Variants in DCDC2 observed in about 807,000 individuals in gnomAD.
DCDC2 encodes doublecortin domain-containing protein 2.
Under a neutral mutation model 50.2 loss-of-function variants are expected in DCDC2, and 40 were observed. The ratio of observed to expected loss-of-function variants is 0.80; its 90% confidence interval spans 0.62 to 1.04. The LOEUF (loss-of-function observed/expected upper bound fraction) is 1.04. DCDC2 is among the 50% of genes least tolerant of loss of function. DCDC2 has a pLI of 0.00. For missense variants in DCDC2, 570 were observed against 581.9 expected, an observed-to-expected ratio of 0.98 and a Z score of 0.21; for synonymous variants, 234 against 210.6, an observed-to-expected ratio of 1.11 and a Z score of -0.96.
At chr6:24,225,933 T>C (rs1762224941) in intron 7 of DCDC2, among the ~76,000 whole-genome samples, 2 of 152,230 alleles carry the variant, frequency 1.3e-5, no homozygotes, top group Admixed American at 6.5e-5. Flanking sequence ...TATTCACTAC[T>C]ACACACCATT....
At chr6:24,376,005 A>G in the DCDC2 span, among the ~76,000 whole-genome samples, 1 of 152,070 alleles carries the variant, frequency 6.6e-6, no homozygotes, top group African/African-American at 2.4e-5. Context: ...ATGTATTTTT[A>G]TGAGAAACTA....
At chr6:24,204,693 C>T (rs1331951862) in intron 8 of DCDC2, among the ~76,000 whole-genome samples, 1 of 152,122 alleles carries the variant, frequency 6.6e-6, no homozygotes, top group Non-Finnish European at 1.5e-5. Context: ...CAAACCAATA[C>T]TCTTTTTTAT....
chr6:24,375,424 C>G, the DCDC2 span, among the ~76,000 whole-genome samples: 4 of 152,206 alleles, frequency 2.6e-5, no homozygotes, highest in Admixed American at 1.3e-4. Context: ...TAAACTCCCC[C>G]CCCCAACCCC....
chr6:24,351,531 G>A (rs547028200), intron 2 of DCDC2, among the ~76,000 whole-genome samples: 73 of 152,250 alleles, frequency 4.8e-4, no homozygotes, highest in African/African-American at 1.6e-3. Context: ...TATGGGTAAG[G>A]ACTGAGAAGA....
chr6:24,279,274 TG>T (rs927009541), intron 6 of DCDC2, among the ~76,000 whole-genome samples: 2 of 151,654 alleles, frequency 1.3e-5, no homozygotes, highest in African/African-American at 4.9e-5. Context: ...GAGGCAGAGG[TG>T]GGAGGATCAT....
intron 8 of DCDC2, among the ~76,000 whole-genome samples, chr6:24,183,535 C>T (rs966299854): frequency 5.9e-5 from 9 of 152,052 alleles, no homozygotes; most frequent in African/African-American, 1.2e-4. Context: ...TGGTTCCCCA[C>T]GAACAAGTCA....
chr6:24,329,148 C>A (rs924338841), intron 2 of DCDC2, among the ~76,000 whole-genome samples: 8 of 152,002 alleles, frequency 5.3e-5, no homozygotes, highest in Non-Finnish European at 1.0e-4. Flanking sequence ...TCCCTACTGA[C>A]GGAAACACAT....
intron 7 of DCDC2, among the ~76,000 whole-genome samples, chr6:24,236,633 C>T (rs1456721298): frequency 6.6e-6 from 1 of 152,110 alleles, no homozygotes; most frequent in Non-Finnish European, 1.5e-5. Context: ...TATCTGCAAA[C>T]TATGCATCCA....
chr6:24,309,014 A>G (rs1399947973), intron 2 of DCDC2, among the ~76,000 whole-genome samples: 2 of 152,208 alleles, frequency 1.3e-5, no homozygotes, highest in South Asian at 4.1e-4. Flanking sequence ...ATAAAAGGAC[A>G]TTGAATGGAA....
rs1761682773 is a variant in DCDC2 at position 24,205,121 on chromosome 6, A to G, written c.923-19T>C. 1.2e-6 allele frequency: 2 copies of G among 1,614,052 alleles called. No individual in the cohort carries two copies. Among genetic ancestry groups the G allele is most frequent in the African/African-American group, 1.3e-5 (1 of 74,928 alleles). On this transcript the variant is annotated intron_variant, in intron 7 of 9. Coordinates refer to ENST00000378454, the MANE Select transcript of DCDC2 (RefSeq NM_016356.5). ...CCTTCATCTATTGAGACAAACACAC[A>G]GTGAAAATCAAAATCCAATTGTGAC... is the stretch of plus-strand genomic sequence containing the variant.
intron 2 of DCDC2, among the ~76,000 whole-genome samples, chr6:24,339,896 T>C (rs1038638514): frequency 2.0e-5 from 3 of 152,204 alleles, no homozygotes; most frequent in African/African-American, 7.2e-5. Flanking sequence ...CTTGATGCTA[T>C]AAGATAGAGA....
intron 6 of DCDC2, among the ~76,000 whole-genome samples, chr6:24,287,705 T>C (rs1763643421): frequency 6.6e-6 from 1 of 152,222 alleles, no homozygotes; most frequent in Admixed American, 6.5e-5. Flanking sequence ...TCTACCTTTT[T>C]CTGAATTTTA....
chr6:24,344,013 G>C (rs374824410), intron 2 of DCDC2, among the ~76,000 whole-genome samples: 1 of 151,976 alleles, frequency 6.6e-6, no homozygotes, highest in Admixed American at 6.6e-5. Context: ...TCAAATATAC[G>C]GTATTATTAA....
intron 6 of DCDC2, among the ~76,000 whole-genome samples, chr6:24,287,625 G>C (rs1763641970): frequency 6.6e-6 from 1 of 152,220 alleles, no homozygotes; most frequent in Non-Finnish European, 1.5e-5. Context: ...CAGCGTGACT[G>C]CTTCTTCGCA....
chr6:24,380,154 C>G, the DCDC2 span, among the ~76,000 whole-genome samples: 2 of 152,040 alleles, frequency 1.3e-5, no homozygotes, highest in African/African-American at 4.8e-5. Context: ...CAAACCTGCA[C>G]ATTGTGCACG....
rs1759408580 is a variant in DCDC2, at chr6:24,302,935, G to A, written c.349-891C>T. 2.0e-5 allele frequency among the ~76,000 whole-genome samples: 3 copies of A among 151,850 alleles called. No homozygotes were observed. In the South Asian group the frequency reaches 6.2e-4, roughly 32 times the overall value. On this transcript the variant is annotated intron_variant, in intron 2 of 9. Coordinates refer to ENST00000378454, the MANE Select transcript of DCDC2 (RefSeq NM_016356.5). ...TCATTCCAAATGTCAAGAAATAGAA[G>A]CCAGTAGACACGAAGCCCCTCAACT...
At chr6:24,370,628 C>A in the DCDC2 span, among the ~76,000 whole-genome samples, 6 of 152,166 alleles carry the variant, frequency 3.9e-5, no homozygotes, top group African/African-American at 1.4e-4. Context: ...GAGGATTGCT[C>A]GGGCCTGGGA....
At chr6:24,343,756 C>T (rs78115975) in intron 2 of DCDC2, among the ~76,000 whole-genome samples, 4,086 of 152,092 alleles carry the variant, frequency 0.027, 88 homozygotes, top group South Asian at 0.055. Context: ...TGTTCAATTG[C>T]CAAAAGGATC....
chr6:24,314,609 C>A (rs1307873651), intron 2 of DCDC2, among the ~76,000 whole-genome samples: 1 of 152,072 alleles, frequency 6.6e-6, no homozygotes, highest in Non-Finnish European at 1.5e-5. Context: ...TTATGAACAT[C>A]AATGGAATCC....
Sources: allele counts gnomAD v4.1 joint callset (sites outside exome capture counted in the v4.1 genomes callset), GRCh38; gene constraint gnomAD v4.1.1; transcripts MANE v1.5; gene names NCBI Gene and HGNC (gene_info 2026-07-23, HGNC 2026-07-21).